The following TFEB variants were observed in gnomAD, a reference collection of about 807,000 sequenced individuals.
TFEB encodes transcription factor EB.
In TFEB, 12 loss-of-function variants were observed where a neutral mutation model predicts 48.0. The ratio of observed to expected loss-of-function variants is 0.25; its 90% CI spans 0.16 to 0.40. The LOEUF is 0.40. Ranked by LOEUF, TFEB falls within the 10% of genes least tolerant of loss-of-function variation. TFEB has a pLI of 1.00. For missense variants in TFEB, 509 were observed against 640.3 expected (o/e 0.79, Z 2.21); for synonymous variants, 244 against 261.4 (o/e 0.93, Z 0.64).
At chr6:41,733,950 T>C (rs1771559000) in intron 1 of TFEB, 1 of 915,502 alleles carries the variant, frequency 1.1e-6, no homozygotes, top group East Asian at 1.2e-4. Context: ...CCAGGGCGGG[T>C]GCAGGGGCCT....
chr6:41,714,585 A>G (rs1052903982), intron 1 of TFEB, among the ~76,000 whole-genome samples: 2 of 152,172 alleles, frequency 1.3e-5, no homozygotes, highest in African/African-American at 4.8e-5. Flanking sequence ...TTTCTTGAGC[A>G]CTTACTACAT....
intron 1 of TFEB, among the ~76,000 whole-genome samples, chr6:41,728,137 A>G (rs745770546): frequency 5.3e-5 from 8 of 152,236 alleles, no homozygotes; most frequent in Non-Finnish European, 7.3e-5. Flanking sequence ...ATTAGTCTAC[A>G]CTAGCTTCTC....
intron 1 of TFEB, among the ~76,000 whole-genome samples, chr6:41,726,709 G>T (rs1406039365): frequency 6.6e-6 from 1 of 152,134 alleles, no homozygotes; most frequent in Non-Finnish European, 1.5e-5. Flanking sequence ...AAAGTGCTGG[G>T]ATTACAGGCG....
rs1337501513 is a variant in TFEB at position 41,690,879 on chromosome 6, C to A, written c.252G>T (p.Leu84=). ...SYLENPTSYH[L]QQSQHQKVRE... is the part of the protein sequence containing the mutation. ...GCACCTTCTGATGCTGCGACTGCTG[C>A]AGATGGTAGGATGTGGGATTCTCCA... is the stretch of plus-strand genomic sequence containing the variant. The change falls in exon 3 of 9, where the codon CTG becomes CTT. Residue 84 remains leucine (L), a synonymous_variant. Transcript: ENST00000373033. The A allele has an allele frequency of 6.2e-7, 1 of 1,606,040 alleles. No homozygotes were observed. The highest frequency in any genetic ancestry group is 2.2e-5 in the East Asian group (1 of 44,696).
chr6:41,694,195 C>T (rs1231648918), intron 1 of TFEB, among the ~76,000 whole-genome samples: 1 of 152,170 alleles, frequency 6.6e-6, no homozygotes, highest in African/African-American at 2.4e-5. Context: ...CTGGGCTGGA[C>T]CCTGCCTCTC....
chr6:41,700,159 A>C (rs1218076919), intron 1 of TFEB, among the ~76,000 whole-genome samples: 1 of 152,188 alleles, frequency 6.6e-6, no homozygotes, highest in Non-Finnish European at 1.5e-5. Flanking sequence ...CCTATTTGTG[A>C]TGAATAAAGA....
intron 1 of TFEB, among the ~76,000 whole-genome samples, chr6:41,696,874 C>CA (rs1375722949): frequency 6.6e-6 from 1 of 151,834 alleles, no homozygotes; most frequent in Non-Finnish European, 1.5e-5. Flanking sequence ...TATATGAGTT[C>CA]AAAAAAACGC....
chr6:41,724,595 C>G lies in TFEB; in HGVS notation c.-23+10755G>C, dbSNP rs778242056. Among the ~76,000 whole-genome samples, 2 of 152,084 alleles carry G rather than the reference C, an allele frequency of 1.3e-5. No individual in the cohort carries two copies. Among genetic ancestry groups the G allele is most frequent in the Admixed American group, 1.3e-4 (2 of 15,282 alleles). ...AGGAGCCAGGCCTGGGTGTGCAGAG[C>G]CCCCAGGGAGGACCTCTGGCTCCCG... On this transcript the variant is annotated intron_variant, in intron 1 of 8. Transcript: ENST00000373033. The surrounding 1 kb of genome is among the most constrained non-coding windows in gnomAD (Gnocchi z 4.4).
Position 41,708,351 on chromosome 6 carries a change from G to C in TFEB, c.-22-17116C>G, listed in dbSNP as rs559436413. Among the ~76,000 whole-genome samples, 249 of 152,328 alleles carry C rather than the reference G, an allele frequency of 1.6e-3. 1 individual carries two copies. The highest frequency in any genetic ancestry group is 5.5e-3 in the African/African-American group (229 of 41,580). On this transcript the variant is annotated intron_variant, in intron 1 of 8. Transcript: ENST00000373033. Reference sequence around the variant, plus strand: ...CTTGATGAGGTGGCAAAAGCTATCAGGGCCCCAGCCACATGCTCTGGGCCC... The same window carrying C: ...CTTGATGAGGTGGCAAAAGCTATCACGGCCCCAGCCACATGCTCTGGGCCC...
intron 1 of TFEB, among the ~76,000 whole-genome samples, chr6:41,710,626 C>T (rs112414204): frequency 1.4e-4 from 21 of 152,292 alleles, no homozygotes; most frequent in African/African-American, 5.1e-4. Context: ...CCTGCTCCAT[C>T]ACCCCCAATT....
chr6:41,704,705 C>A (rs1770113633), intron 1 of TFEB, among the ~76,000 whole-genome samples: 1 of 152,206 alleles, frequency 6.6e-6, no homozygotes. Flanking sequence ...ACTTAGTTCC[C>A]TGGTTCCAAG....
rs747944356 is a variant in TFEB at position 41,690,921 on chromosome 6, G to A, written c.214-4C>T. 1 of 1,580,858 alleles carries A rather than the reference G, an allele frequency of 6.3e-7. No individual in the cohort carries two copies. Among genetic ancestry groups the A allele is most frequent in the African/African-American group, 1.3e-5 (1 of 74,456 alleles). ...GATTCTCCAGGTAGGACTGCACCTG[G>A]GAGGGGGAAAAGGCAAGGGCTCTAG... On this transcript the variant is annotated splice_region_variant and splice_polypyrimidine_tract_variant and intron_variant, in intron 2 of 8. Coordinates refer to ENST00000373033, the MANE Select transcript of TFEB (RefSeq NM_001271944.2).
At chr6:41,688,348 C>T (rs753097451) in intron 4 of TFEB, 21 of 264,850 alleles carry the variant, frequency 7.9e-5, no homozygotes, top group African/African-American at 3.3e-4. Flanking sequence ...AGTTTCTGGA[C>T]GGTTTCCTGG....
Position 41,730,424 on chromosome 6 carries a change from A to G in TFEB, c.-23+4926T>C, listed in dbSNP as rs1252279041. Among the ~76,000 whole-genome samples the G allele has an allele frequency of 3.9e-5, 6 of 152,342 alleles. No individual in the cohort carries two copies. The highest frequency in any genetic ancestry group is 7.3e-5 in the Non-Finnish European group (5 of 68,036). ...TTACTCTGGGACCACTGCTGAATGC[A>G]TAAGAGCCAACCAGGTGGCCTGCAT... On this transcript the variant is annotated intron_variant, in intron 1 of 8. Transcript: ENST00000373033. The surrounding 1 kb of genome is among the most constrained non-coding windows in gnomAD (Gnocchi z 4.1).
intron 7 of TFEB, chr6:41,686,813 T>G: frequency 2.0e-6 from 1 of 492,360 alleles, no homozygotes; most frequent in Non-Finnish European, 3.7e-6. Context: ...CGGCCTCTTG[T>G]CTGCCAGCCC....
chr6:41,693,009 T>C lies in TFEB; in HGVS notation c.-22-1774A>G, dbSNP rs1769391554. Among the ~76,000 whole-genome samples the C allele has an allele frequency of 2.0e-5, 3 of 152,202 alleles. No homozygotes were observed. In the South Asian group the frequency reaches 6.2e-4, roughly 32 times the overall value. ...TCTGCTTCAGAAGATTGGAGCACTA[T>C]ATGAAATTAATAGGTCTTGCACAGT... On this transcript the variant is annotated intron_variant, in intron 1 of 8. Coordinates refer to ENST00000373033, the MANE Select transcript of TFEB (RefSeq NM_001271944.2).
chr6:41,693,838 C>T (rs895912660), intron 1 of TFEB, among the ~76,000 whole-genome samples: 3 of 152,168 alleles, frequency 2.0e-5, no homozygotes, highest in Non-Finnish European at 4.4e-5. Flanking sequence ...ATGCCTTTGC[C>T]CACCCCCTTC....
chr6:41,734,988 G>A lies in TFEB; in HGVS notation c.-23+362C>T, dbSNP rs1771617846. On this transcript the variant is annotated intron_variant, in intron 1 of 8. Coordinates refer to ENST00000373033, the MANE Select transcript of TFEB (RefSeq NM_001271944.2). The surrounding 1 kb of genome is among the most constrained non-coding windows in gnomAD (Gnocchi z 4.0). The stretch of plus-strand genomic sequence containing the variant: ...GGCCCGCGCGTCCCTCAAACTTCTT[G>A]CGAGTTCACCATCACGCCTCCCGCC... 1.0e-6 allele frequency: 1 copy of A among 985,448 alleles called. No individual in the cohort carries two copies. Among genetic ancestry groups the A allele is most frequent in the Non-Finnish European group, 1.2e-6 (1 of 829,988 alleles). The allele number at this position is 985,448 out of a possible 1,614,324, so 61.0% of individuals were successfully genotyped here. A position where few individuals can be genotyped will look rare whatever the true frequency, so the allele number is the denominator to read the frequency against.
At chr6:41,722,155 A>T (rs1270063770) in intron 1 of TFEB, among the ~76,000 whole-genome samples, 1 of 152,016 alleles carries the variant, frequency 6.6e-6, no homozygotes, top group Admixed American at 6.5e-5. Flanking sequence ...AATTTTTTGT[A>T]TTTTAGTAGG....
Sources: allele counts gnomAD v4.1 joint callset (sites outside exome capture counted in the v4.1 genomes callset), GRCh38; gene constraint gnomAD v4.1.1; non-coding constraint Gnocchi (gnomAD v3.1); transcripts MANE v1.5; gene names NCBI Gene and HGNC (gene_info 2026-07-23, HGNC 2026-07-21).